Variants in YES1 observed in about 807,000 individuals in gnomAD.
YES1 encodes the protein tyrosine-protein kinase Yes.
A neutral mutation model predicts 70.4 loss-of-function variants in YES1; 39 were observed. That is an observed-to-expected ratio of 0.55 (90% CI 0.43 to 0.72). YES1 has a LOEUF of 0.72. YES1 is among the 30% of genes least tolerant of loss of function. The pLI, the probability that YES1 is intolerant of heterozygous loss-of-function variation, is 0.00. For synonymous variants in YES1, 198 were observed against 218.6 expected, an observed-to-expected ratio of 0.91 and a Z score of 0.83; for missense variants, 495 against 644.8, an observed-to-expected ratio of 0.77 and a Z score of 2.52.
chr18:768,940 T>C (rs1905031172), intron 1 of YES1, among the ~76,000 whole-genome samples: 1 of 152,116 alleles, frequency 6.6e-6, no homozygotes, highest in Admixed American at 6.5e-5. Flanking sequence ...TGACCTCCAG[T>C]GATCCACCTG....
chr18:759,833 A>T (rs922331206), intron 1 of YES1, among the ~76,000 whole-genome samples: 5 of 151,154 alleles, frequency 3.3e-5, no homozygotes, highest in Non-Finnish European at 5.9e-5. Flanking sequence ...TACATTAGGT[A>T]TATCTCCTAA....
chr18:731,495 A>G (rs1348295007), intron 11 of YES1, among the ~76,000 whole-genome samples: 1 of 152,246 alleles, frequency 6.6e-6, no homozygotes, highest in Non-Finnish European at 1.5e-5. Context: ...GTTAGATAAC[A>G]TGCAAAACCC....
intron 9 of YES1, among the ~76,000 whole-genome samples, chr18:737,760 C>G (rs1176815303): frequency 3.3e-5 from 5 of 152,330 alleles, no homozygotes; most frequent in African/African-American, 9.6e-5. Context: ...CACTCTGTCA[C>G]GCAGGTTGGC....
At chr18:778,692 C>A (rs1317120882) in intron 1 of YES1, among the ~76,000 whole-genome samples, 1 of 152,052 alleles carries the variant, frequency 6.6e-6, no homozygotes, top group Non-Finnish European at 1.5e-5. Flanking sequence ...AAAACATGAA[C>A]AATTTCCATA....
At chr18:792,318 C>A (rs147269842) in intron 1 of YES1, among the ~76,000 whole-genome samples, 182 of 151,756 alleles carry the variant, frequency 1.2e-3, no homozygotes, top group African/African-American at 4.2e-3. Context: ...AACAAACAAA[C>A]AAATAAATAA....
chr18:781,346 T>A (rs1267169388), intron 1 of YES1, among the ~76,000 whole-genome samples: 1 of 151,952 alleles, frequency 6.6e-6, no homozygotes, highest in Non-Finnish European at 1.5e-5. Flanking sequence ...TTCTTTTAGA[T>A]CCTCAAATGT....
At chr18:779,753 AT>A (rs1905559598) in intron 1 of YES1, among the ~76,000 whole-genome samples, 1 of 152,160 alleles carries the variant, frequency 6.6e-6, no homozygotes, top group Admixed American at 6.6e-5. Context: ...TTTTGTCAAG[AT>A]TTTTGACCAG....
intron 1 of YES1, among the ~76,000 whole-genome samples, chr18:769,676 T>A (rs1003301080): frequency 6.6e-6 from 1 of 152,218 alleles, no homozygotes; most frequent in African/African-American, 2.4e-5. Context: ...GATTATCATA[T>A]AGGTTTTTTT....
chr18:796,092 C>G (rs1413309682), intron 1 of YES1, among the ~76,000 whole-genome samples: 3 of 152,092 alleles, frequency 2.0e-5, no homozygotes, highest in African/African-American at 7.2e-5. Context: ...ATCTAAGTAA[C>G]ATTAAATCAA....
At chr18:734,538 A>C (rs2080129618) in intron 10 of YES1, among the ~76,000 whole-genome samples, 1 of 152,144 alleles carries the variant, frequency 6.6e-6, no homozygotes, top group African/African-American at 2.4e-5. Flanking sequence ...CCTGGGTGAC[A>C]GAGTGAGACT....
intron 1 of YES1, among the ~76,000 whole-genome samples, chr18:760,482 AAACAACAAC>A (rs575429585): frequency 2.0e-5 from 3 of 152,132 alleles, no homozygotes; most frequent in South Asian, 2.1e-4. Flanking sequence ...AAAAACAAAC[AAACAACAAC>A]AACAACAACA....
Position 724,337 on chromosome 18 carries a change from A to T in YES1, c.*87T>A, listed in dbSNP as rs2079992495. On this transcript the variant is annotated 3_prime_UTR_variant, in exon 12 of 12. Transcript: ENST00000314574. Reference sequence around the variant, plus strand: ...CCATTAAAAACATGCAGAGTAAAGAAGATTTTCTTCTTTTGATTCCTGTAG... The same window carrying T: ...CCATTAAAAACATGCAGAGTAAAGATGATTTTCTTCTTTTGATTCCTGTAG... The T allele has an allele frequency of 7.8e-7, 1 of 1,285,262 alleles. No individual in the cohort carries two copies. The highest frequency in any genetic ancestry group is 2.7e-4 in the Middle Eastern group (1 of 3,644). The allele number at this position is 1,285,262 out of a possible 1,614,324, so 79.6% of individuals were successfully genotyped here.
At chr18:789,698 A>G (rs1264678841) in intron 1 of YES1, among the ~76,000 whole-genome samples, 1 of 152,210 alleles carries the variant, frequency 6.6e-6, no homozygotes, top group Non-Finnish European at 1.5e-5. Flanking sequence ...TGTTACTAAA[A>G]AGGAAATAAC....
intron 1 of YES1, among the ~76,000 whole-genome samples, chr18:780,035 AC>A (rs775785424): frequency 2.6e-5 from 4 of 152,026 alleles, no homozygotes; most frequent in Non-Finnish European, 5.9e-5. Context: ...GGAGTTCGAA[AC>A]CAGCCTGGCC....
intron 1 of YES1, among the ~76,000 whole-genome samples, chr18:769,052 C>T (rs573481457): frequency 6.6e-6 from 1 of 152,232 alleles, no homozygotes; most frequent in East Asian, 1.9e-4. Flanking sequence ...CAACTGCCTA[C>T]AGCATTCAGT....
At position 745,988 on chromosome 18, in the gene YES1, T is replaced by C. The variant is rs1179251007; in HGVS notation, c.534A>G (p.Gln178=). The part of the protein sequence containing the change: ...AERLLLNPGN[Q]RGIFLVRESE... ...TCTCTCTTACTAAGAAAATACCTCGTTGATTTCCAGGATTCAAAAGTAATC... is the reference window on the plus strand; with the variant it reads ...TCTCTCTTACTAAGAAAATACCTCGCTGATTTCCAGGATTCAAAAGTAATC... The change falls in exon 5 of 12, where the codon CAA becomes CAG. Residue 178 remains glutamine, a synonymous_variant. Transcript: ENST00000314574. 5 of 1,613,232 alleles carry C rather than the reference T, an allele frequency of 3.1e-6. No homozygotes were observed. The highest frequency in any genetic ancestry group is 1.7e-5 in the Admixed American group (1 of 59,992).
At chr18:768,181 A>C (rs1904996272) in intron 1 of YES1, among the ~76,000 whole-genome samples, 1 of 152,210 alleles carries the variant, frequency 6.6e-6, no homozygotes, top group Non-Finnish European at 1.5e-5. Context: ...CAATGTTAAA[A>C]AACCATTTCC....
chr18:764,342 C>T (rs1186788104), intron 1 of YES1, among the ~76,000 whole-genome samples: 1 of 152,232 alleles, frequency 6.6e-6, no homozygotes, highest in African/African-American at 2.4e-5. Flanking sequence ...CCTGACTCAG[C>T]CTCCCAAGTA....
At chr18:809,842 C>T (rs1907283129) in intron 1 of YES1, among the ~76,000 whole-genome samples, 1 of 151,998 alleles carries the variant, frequency 6.6e-6, no homozygotes, top group Non-Finnish European at 1.5e-5. Context: ...TAATGAATTA[C>T]ACTAAGACCA....
Sources: allele counts gnomAD v4.1 joint callset (sites outside exome capture counted in the v4.1 genomes callset), GRCh38; gene constraint gnomAD v4.1.1; transcripts MANE v1.5; gene names NCBI Gene and HGNC (gene_info 2026-07-23, HGNC 2026-07-21).